SLC39A14: variants seen among roughly 807,000 people sequenced by gnomAD.
SLC39A14 encodes the protein solute carrier family 39 member 14.
In SLC39A14, 19 loss-of-function variants were observed where a neutral mutation model predicts 45.5. That is an observed-to-expected ratio of 0.42 (90% CI 0.29 to 0.61). The LOEUF (loss-of-function observed/expected upper bound fraction) is 0.61, where lower values mean the gene tolerates loss of function less well. SLC39A14 is among the 20% of genes least tolerant of loss of function. The pLI is 0.22. For synonymous variants in SLC39A14, 264 were observed against 251.3 expected (o/e 1.05, Z -0.48); for missense variants, 447 against 616.5 (o/e 0.73, Z 2.91).
intron 1 of SLC39A14, among the ~76,000 whole-genome samples, chr8:22,387,225 T>C (rs1447438367): frequency 4.6e-5 from 7 of 151,900 alleles, no homozygotes; most frequent in African/African-American, 1.7e-4. Flanking sequence ...CCAGTTGGTG[T>C]TAAAGTCGTG....
intron 1 of SLC39A14, among the ~76,000 whole-genome samples, chr8:22,371,333 C>A: frequency 6.6e-6 from 1 of 151,526 alleles, no homozygotes; most frequent in African/African-American, 2.4e-5. Context: ...TCCTAATGGC[C>A]CTCGTAGGCA....
intron 1 of SLC39A14, among the ~76,000 whole-genome samples, chr8:22,401,966 A>G (rs1435322953): frequency 6.6e-6 from 1 of 152,206 alleles, no homozygotes; most frequent in East Asian, 1.9e-4. Flanking sequence ...TACTTGACCC[A>G]TAACACATCT....
intron 8 of SLC39A14, among the ~76,000 whole-genome samples, chr8:22,429,764 G>C (rs1836439958): frequency 6.6e-6 from 1 of 152,206 alleles, no homozygotes; most frequent in Admixed American, 6.5e-5. Flanking sequence ...GCCAAGCTTG[G>C]CATGACATAG....
chr8:22,415,360 C>A, intron 5 of SLC39A14: 1 of 207,786 alleles, frequency 4.8e-6, no homozygotes, highest in Non-Finnish European at 9.4e-6. Flanking sequence ...AAGAGGAGCT[C>A]TAAATATTTG....
Position 22,367,319 on chromosome 8 carries a change from G to A in SLC39A14, c.-105G>A, listed in dbSNP as rs1434745057. ...GGGGGTCGGCGCGCGTGTCTACGCG[G>A]ACGCACCGGCTAAGCTGCTTCTGCC... On this transcript the variant is annotated 5_prime_UTR_variant, in exon 1 of 9. Transcript: ENST00000381237. This position sits in a 1 kb window ranked among gnomAD's most constrained non-coding sequence, Gnocchi z 4.2. 2 of 151,776 alleles carry A rather than the reference G, an allele frequency of 1.3e-5. No homozygotes were observed. Among genetic ancestry groups the A allele is most frequent in the Admixed American group, 6.6e-5 (1 of 15,208 alleles). 9.4% of individuals were successfully genotyped at this position (151,776 alleles called of 1,614,324 possible).
chr8:22,422,199 C>G lies in SLC39A14; in HGVS notation c.*2501C>G. 3 of 985,378 alleles carry G rather than the reference C, an allele frequency of 3.0e-6. No individual in the cohort carries two copies. The highest frequency in any genetic ancestry group is 3.6e-6 in the Non-Finnish European group (3 of 829,854). The allele number at this position is 985,378 out of a possible 1,614,324, so 61.0% of individuals were successfully genotyped here. The stretch of plus-strand genomic sequence containing the variant: ...CAGCTTCGACCTCATTTTCCAGATG[C>G]ACCAGCTCCTATTAATAAGTTAGCA... On this transcript the variant is annotated 3_prime_UTR_variant, in exon 9 of 9. Transcript: ENST00000381237.
chr8:22,368,486 C>CTTTTATTTTATTTTA lies in SLC39A14; in HGVS notation c.-16+1116_-16+1130dup, dbSNP rs869157776. Among the ~76,000 whole-genome samples the CTTTTATTTTATTTTA allele has an allele frequency of 9.6e-4, 142 of 147,640 alleles. 1 individual carries two copies. Among genetic ancestry groups the CTTTTATTTTATTTTA allele is most frequent in the African/African-American group, 2.3e-3 (92 of 40,032 alleles). The stretch of plus-strand genomic sequence containing the variant: ...ATATACAATTCCGTAATCCTTCCCT[C>CTTTTATTTTATTTTA]TTTTATTTTATTTTATTTTATTTTA... On this transcript the variant is annotated intron_variant, in intron 1 of 8. Transcript: ENST00000381237.
chr8:22,414,196 C>T (rs1835743168), intron 4 of SLC39A14, among the ~76,000 whole-genome samples: 1 of 152,128 alleles, frequency 6.6e-6, no homozygotes, highest in South Asian at 2.1e-4. Flanking sequence ...GTGACAGTTT[C>T]AGAAAGGACT....
Position 22,397,214 on chromosome 8 carries a change from G to C in SLC39A14, c.-15-7482G>C, listed in dbSNP as rs1289521095. Among the ~76,000 whole-genome samples, 3 of 152,142 alleles carry C rather than the reference G, an allele frequency of 2.0e-5. No homozygotes were observed. In the South Asian group the frequency reaches 6.2e-4, roughly 32 times the overall value. On this transcript the variant is annotated intron_variant, in intron 1 of 8. Transcript: ENST00000381237. The stretch of plus-strand genomic sequence containing the variant: ...CACGTCCGTGGCCCTTCCATTGCCA[G>C]GCAGCGCTTCCCAGGCCACTAGCAC...
rs552690648 is a variant in SLC39A14 at position 22,367,944 on chromosome 8, C to G, written c.-16+536C>G. Among the ~76,000 whole-genome samples the G allele has an allele frequency of 3.4e-4, 52 of 152,222 alleles. No individual in the cohort carries two copies. The South Asian group carries it at 0.011, about 31-fold the overall frequency. ...CTGGCTATTTTTGGTCCTTAATGAC[C>G]AAGTTAGGTGGTCGGGTTCAGGCTG... On this transcript the variant is annotated intron_variant, in intron 1 of 8. Transcript: ENST00000381237. The surrounding 1 kb of genome is among the most constrained non-coding windows in gnomAD (Gnocchi z 4.2).
chr8:22,429,881 G>C (rs529021505), intron 8 of SLC39A14, among the ~76,000 whole-genome samples: 1 of 152,366 alleles, frequency 6.6e-6, no homozygotes, highest in East Asian at 1.9e-4. Flanking sequence ...GACAGGGATA[G>C]AGGTGATCAG....
chr8:22,422,116 T>C lies in SLC39A14; in HGVS notation c.*2418T>C, dbSNP rs1214096218. 1 of 985,342 alleles carries C rather than the reference T, an allele frequency of 1.0e-6. No individual in the cohort carries two copies. Among genetic ancestry groups the C allele is most frequent in the Non-Finnish European group, 1.2e-6 (1 of 829,940 alleles). 61.0% of individuals were successfully genotyped at this position (985,342 alleles called of 1,614,324 possible). A position where few individuals can be genotyped will look rare whatever the true frequency, so the allele number is the denominator to read the frequency against. ...ATTTGCTGTTTCAAGCATTTGTACA[T>C]ATTAGAAGTCTAAGGAGTAGCAAGT... On this transcript the variant is annotated 3_prime_UTR_variant, in exon 9 of 9. Transcript: ENST00000381237.
chr8:22,420,115 G>A lies in SLC39A14; in HGVS notation c.*417G>A. The A allele has an allele frequency of 6.1e-6, 6 of 988,332 alleles. No homozygotes were observed. The South Asian group carries it at 2.8e-4, about 46-fold the overall frequency. The allele number at this position is 988,332 out of a possible 1,614,324, so 61.2% of individuals were successfully genotyped here. A position where few individuals can be genotyped will look rare whatever the true frequency, so the allele number is the denominator to read the frequency against. On this transcript the variant is annotated 3_prime_UTR_variant, in exon 9 of 9. Transcript: ENST00000381237. ...TCAAGAGTTGAATCCATAGTGTGGG[G>A]CCCATGACTCTAGCTGGGCACCTTG...
intron 8 of SLC39A14, among the ~76,000 whole-genome samples, chr8:22,418,444 A>G (rs1245462171): frequency 6.6e-6 from 1 of 152,260 alleles, no homozygotes; most frequent in African/African-American, 2.4e-5. Flanking sequence ...AAAGAAAATT[A>G]CGCATAATCA....
chr8:22,418,238 C>G (rs1404218360), intron 8 of SLC39A14, among the ~76,000 whole-genome samples: 1 of 152,194 alleles, frequency 6.6e-6, no homozygotes, highest in Non-Finnish European at 1.5e-5. Flanking sequence ...CCTTAGCTTT[C>G]TTTCACATAC....
At chr8:22,413,747 A>C (rs1586739054) in intron 4 of SLC39A14, among the ~76,000 whole-genome samples, 2 of 152,254 alleles carry the variant, frequency 1.3e-5, no homozygotes, top group South Asian at 4.2e-4. Context: ...AAAAAATTTA[A>C]GAATAAAATA....
At chr8:22,415,667 C>A in intron 5 of SLC39A14, 102 bp from the exon 6 acceptor site, 2 of 1,065,058 alleles carry the variant, frequency 1.9e-6, no homozygotes, top group Non-Finnish European at 2.7e-6. Context: ...GATGGTAAGG[C>A]TGAGGTCTTC....
intron 8 of SLC39A14, among the ~76,000 whole-genome samples, chr8:22,432,406 CTT>C (rs897910175): frequency 1.3e-5 from 2 of 149,470 alleles, no homozygotes; most frequent in Non-Finnish European, 3.0e-5. Flanking sequence ...CTCTGTCTCT[CTT>C]TCTCTCTGCT....
At position 22,416,153 on chromosome 8, in the gene SLC39A14, C is replaced by T. The variant is rs1306691682; in HGVS notation, c.1020C>T (p.Ile340=). 1.2e-6 allele frequency: 2 copies of T among 1,614,118 alleles called. No homozygotes were observed. Among genetic ancestry groups the T allele is most frequent in the Admixed American group, 1.7e-5 (1 of 60,010 alleles). ...ATATCGGCACTCTGGCCTGGATGAT[C>T]ACTCTGAGCGACGGCCTCCATAATT... ...YSDIGTLAWM[I]TLSDGLHNFI... Residue 340 remains isoleucine (I), a synonymous_variant, in exon 7 of 9, where the codon ATC becomes ATT. Transcript: ENST00000381237.
Sources: gnomAD v4.1 joint callset for allele counts (sites outside exome capture counted in the v4.1 genomes callset) on GRCh38, gnomAD v4.1.1 for gene constraint, Gnocchi (gnomAD v3.1) non-coding constraint, MANE v1.5 for transcripts, NCBI Gene and HGNC (gene_info 2026-07-23, HGNC 2026-07-21) for gene names.